HSD11B1: variants seen among roughly 807,000 people sequenced by gnomAD.
HSD11B1 encodes 11-beta-hydroxysteroid dehydrogenase 1.
In HSD11B1, 15 loss-of-function variants were observed where a neutral mutation model predicts 22.1. That is an observed-to-expected ratio of 0.68 (90% CI 0.45 to 1.04). HSD11B1 has a LOEUF of 1.04. Among genes scored for constraint, HSD11B1 ranks in the 50% least tolerant of loss-of-function variants. HSD11B1 has a pLI of 0.00. For synonymous variants in HSD11B1, 122 were observed against 125.2 expected (o/e 0.97, Z 0.17); for missense variants, 281 against 357.6 (o/e 0.79, Z 1.73).
In HSD11B1 at chr1:209,699,747, C is replaced by T. The variant is rs138035891; in HGVS notation, c.-48-5148C>T. Among the ~76,000 whole-genome samples, 1,137 of 152,282 alleles carry T rather than the reference C, an allele frequency of 7.5e-3. 11 individuals carry two copies. Among genetic ancestry groups the T allele is most frequent in the African/African-American group, 0.026 (1,064 of 41,556 alleles). On this transcript the variant is annotated intron_variant, in intron 1 of 6. Transcript: ENST00000261465. ...CATCGGAGACAAGGCAAGTCCCTTC[C>T]GCCTATCAGCCTGTAAAATCAAAAG...
At chr1:209,691,006 T>C (rs945514694) in intron 1 of HSD11B1, among the ~76,000 whole-genome samples, 1 of 151,866 alleles carries the variant, frequency 6.6e-6, no homozygotes, top group Non-Finnish European at 1.5e-5. Flanking sequence ...AAAACAAAAC[T>C]CATCAAAGAA....
intron 4 of HSD11B1, among the ~76,000 whole-genome samples, chr1:209,715,401 T>G (rs553196648): frequency 6.6e-6 from 1 of 151,580 alleles, no homozygotes; most frequent in Non-Finnish European, 1.5e-5. Flanking sequence ...TTTCTAAATA[T>G]CATTCTCCAC....
At chr1:209,703,399 A>C (rs2076836244), upstream of HSD11B1, among the ~76,000 whole-genome samples, 2 of 152,174 alleles carry the variant, frequency 1.3e-5, no homozygotes, top group African/African-American at 4.8e-5. Flanking sequence ...TATATTTATA[A>C]AATTATACAA....
intron 1 of HSD11B1, among the ~76,000 whole-genome samples, chr1:209,692,567 A>G (rs894243852): frequency 1.7e-4 from 22 of 129,742 alleles, no homozygotes; most frequent in Non-Finnish European, 6.3e-5. Context: ...TGGCAAATGA[A>G]AAAACCAATT....
At chr1:209,707,567 G>A (rs962442719) in intron 4 of HSD11B1, among the ~76,000 whole-genome samples, 7 of 151,972 alleles carry the variant, frequency 4.6e-5, no homozygotes, top group Admixed American at 4.6e-4. Flanking sequence ...CTGAGTAAAG[G>A]AGACACTGTT....
intron 1 of HSD11B1, among the ~76,000 whole-genome samples, chr1:209,695,420 A>G (rs2076784894): frequency 6.6e-6 from 1 of 152,190 alleles, no homozygotes; most frequent in Non-Finnish European, 1.5e-5. Context: ...TGGATTACTA[A>G]TTAGACGGAT....
chr1:209,733,830 A>G (rs981453220), intron 5 of HSD11B1, among the ~76,000 whole-genome samples: 1 of 152,114 alleles, frequency 6.6e-6, no homozygotes. Flanking sequence ...GGAAGGGGAG[A>G]GAAGTGAAAG....
chr1:209,728,256 T>G lies in HSD11B1; in HGVS notation c.518-4180T>G, dbSNP rs531556279. 3.3e-5 allele frequency among the ~76,000 whole-genome samples: 5 copies of G among 152,358 alleles called. No individual in the cohort carries two copies. The East Asian group carries it at 7.7e-4, about 23-fold the overall frequency. On this transcript the variant is annotated intron_variant, in intron 4 of 5. Transcript: ENST00000367027. ...TATACTCTGTGATCTAATTTGAATT[T>G]GTTTATTAGAATGGCACTTTTTTCT... is the stretch of plus-strand genomic sequence containing the variant.
intron 5 of HSD11B1, among the ~76,000 whole-genome samples, chr1:209,733,155 T>C (rs955241442): frequency 2.1e-4 from 32 of 152,188 alleles, no homozygotes; most frequent in Non-Finnish European, 1.0e-4. Flanking sequence ...ATGAGACTTA[T>C]CAAAATACAA....
rs564672762 is a variant in HSD11B1 at position 209,722,601 on chromosome 1, G to A, written c.518-9835G>A. On this transcript the variant is annotated intron_variant, in intron 4 of 5. Transcript: ENST00000367027. ...GAGAAGATAGGTGGATTTATCTTGA[G>A]AGCCCAACTCAATCCAAACAACTAA... 5.9e-5 allele frequency among the ~76,000 whole-genome samples: 9 copies of A among 152,276 alleles called. No homozygotes were observed. In the South Asian group the frequency reaches 1.7e-3, roughly 28 times the overall value.
intron 5 of HSD11B1, 28 bp downstream of exon 5, chr1:209,732,607 T>A (rs535804405): frequency 2.3e-5 from 36 of 1,586,032 alleles, no homozygotes; most frequent in South Asian, 9.9e-5. Context: ...TGTTTTTTTT[T>A]AATTATTATA....
At chr1:209,697,425 C>T (rs965583383) in intron 1 of HSD11B1, among the ~76,000 whole-genome samples, 5 of 152,192 alleles carry the variant, frequency 3.3e-5, no homozygotes, top group Admixed American at 6.5e-5. Context: ...CCTGCTGGCC[C>T]GTCCCACATG....
At chr1:209,730,343 T>C (rs1474977092) in intron 4 of HSD11B1, among the ~76,000 whole-genome samples, 1 of 152,214 alleles carries the variant, frequency 6.6e-6, no homozygotes, top group Non-Finnish European at 1.5e-5. Context: ...GTTCACAAAC[T>C]GACTGCTACA....
At chr1:209,726,172 T>C (rs2076999565) in intron 4 of HSD11B1, among the ~76,000 whole-genome samples, 1 of 148,588 alleles carries the variant, frequency 6.7e-6, no homozygotes, top group South Asian at 2.1e-4. Context: ...TCCCAGCTAC[T>C]CAGGAGGCTG....
chr1:209,716,198 A>C (rs2076928939), intron 4 of HSD11B1, among the ~76,000 whole-genome samples: 1 of 151,722 alleles, frequency 6.6e-6, no homozygotes, highest in Non-Finnish European at 1.5e-5. Context: ...AACGCTCCAC[A>C]AAAAAACTCT....
At position 209,734,686 on chromosome 1, in the gene HSD11B1, G is replaced by T; in HGVS notation, c.*165G>T. 1.6e-6 allele frequency: 1 copy of T among 637,614 alleles called. No homozygotes were observed. 39.5% of individuals were successfully genotyped at this position (637,614 alleles called of 1,614,324 possible). On this transcript the variant is annotated 3_prime_UTR_variant, in exon 6 of 6. Transcript: ENST00000367027. ...GGAGTTCCTCTAACATTTGCAAAAT[G>T]GAAATGTAATAATAATGAATGTCAT...
At chr1:209,724,353 T>G (rs1408454246) in intron 4 of HSD11B1, among the ~76,000 whole-genome samples, 1 of 152,210 alleles carries the variant, frequency 6.6e-6, no homozygotes, top group Non-Finnish European at 1.5e-5. Context: ...GGAAGATCAA[T>G]GAGACATTGC....
rs151145323 is a variant in HSD11B1 at position 209,715,345 on chromosome 1, T to C, written c.517+8217T>C. ...TATACATGCATGTATTCACTCACTC[T>C]GTCCACTGACAGGACCTGGGAGCAC... On this transcript the variant is annotated intron_variant, in intron 4 of 5. Coordinates refer to ENST00000367027, the MANE Select transcript of HSD11B1 (RefSeq NM_005525.4). Among the ~76,000 whole-genome samples the C allele has an allele frequency of 4.5e-4, 68 of 152,292 alleles. No homozygotes were observed. The East Asian group carries it at 0.01, about 23-fold the overall frequency.
At chr1:209,719,576 G>A (rs935262353) in intron 4 of HSD11B1, among the ~76,000 whole-genome samples, 20 of 152,138 alleles carry the variant, frequency 1.3e-4, no homozygotes, top group African/African-American at 4.8e-4. Flanking sequence ...GGTTAAGATA[G>A]GCCCCGGCGT....
Sources: gnomAD v4.1 joint callset for allele counts (sites outside exome capture counted in the v4.1 genomes callset) on GRCh38, gnomAD v4.1.1 for gene constraint, MANE v1.5 for transcripts, NCBI Gene and HGNC (gene_info 2026-07-23, HGNC 2026-07-21) for gene names.